OPCML: variants seen among roughly 807,000 people sequenced by gnomAD.
OPCML encodes the protein opioid binding protein/cell adhesion molecule like.
Under a neutral mutation model 37.8 loss-of-function variants are expected in OPCML, and 13 were observed. The ratio of observed to expected loss-of-function variants is 0.34; its 90% CI spans 0.22 to 0.55. The LOEUF (loss-of-function observed/expected upper bound fraction) is 0.55. Ranked by LOEUF, OPCML falls within the 20% of genes least tolerant of loss-of-function variation. The pLI is 0.91. For synonymous variants in OPCML, 176 were observed against 168.8 expected (o/e 1.04, Z -0.33); for missense variants, 341 against 435.6 (o/e 0.78, Z 1.93).
At chr11:133,008,998 T>A (rs756541591) in intron 1 of OPCML, 5 of 985,448 alleles carry the variant, frequency 5.1e-6, no homozygotes, top group Non-Finnish European at 6.0e-6. Context: ...CTGACATGGA[T>A]TAATCTCTAT....
chr11:132,856,621 G>A (rs1323536137), intron 2 of OPCML, among the ~76,000 whole-genome samples: 1 of 152,180 alleles, frequency 6.6e-6, no homozygotes, highest in African/African-American at 2.4e-5. Context: ...TGCACACTAT[G>A]AGGCAAAATG....
At chr11:133,284,456 A>G (rs1942243592) in intron 1 of OPCML, among the ~76,000 whole-genome samples, 1 of 152,240 alleles carries the variant, frequency 6.6e-6, no homozygotes, top group South Asian at 2.1e-4. Flanking sequence ...ATACAAAACA[A>G]TCAACAACAA....
chr11:133,195,767 G>A (rs1938511742), intron 1 of OPCML, among the ~76,000 whole-genome samples: 1 of 152,166 alleles, frequency 6.6e-6, no homozygotes, highest in African/African-American at 2.4e-5. Flanking sequence ...TAAGGACTAG[G>A]GACACATTTG....
At chr11:132,713,499 T>A (rs537188607) in intron 2 of OPCML, among the ~76,000 whole-genome samples, 5 of 152,192 alleles carry the variant, frequency 3.3e-5, no homozygotes, top group Non-Finnish European at 5.9e-5. Flanking sequence ...CATTTCCTAT[T>A]TTACAATGAT....
intron 1 of OPCML, among the ~76,000 whole-genome samples, chr11:133,075,455 A>C (rs1037057527): frequency 5.3e-5 from 8 of 152,172 alleles, no homozygotes; most frequent in Non-Finnish European, 1.0e-4. Flanking sequence ...CCACTTCCCA[A>C]GGGCTCTGGG....
rs537786520 is a variant in OPCML at position 133,064,292 on chromosome 11, G to A, written c.62-121282C>T. Among the ~76,000 whole-genome samples the A allele has an allele frequency of 3.3e-5, 5 of 152,312 alleles. No homozygotes were observed. The East Asian group carries it at 9.7e-4, about 29-fold the overall frequency. ...CGGCACAGCTTCTGTTCTCACTTGT[G>A]GAGCTTTGTCTCCCCTCGCTGGGCA... On this transcript the variant is annotated intron_variant, in intron 1 of 7. Transcript: ENST00000524381.
chr11:132,698,152 C>A (rs949024361), intron 2 of OPCML, among the ~76,000 whole-genome samples: 14 of 151,854 alleles, frequency 9.2e-5, no homozygotes, highest in African/African-American at 3.4e-4. Flanking sequence ...TTTGAGGGGG[C>A]ATATACCCAG....
chr11:133,058,279 G>A (rs995249059), intron 1 of OPCML, among the ~76,000 whole-genome samples: 9 of 152,178 alleles, frequency 5.9e-5, no homozygotes, highest in Non-Finnish European at 8.8e-5. Context: ...GACACATGAC[G>A]TGGAATTTAA....
At chr11:132,703,006 G>A (rs1213235054) in intron 2 of OPCML, among the ~76,000 whole-genome samples, 1 of 151,964 alleles carries the variant, frequency 6.6e-6, no homozygotes, top group Non-Finnish European at 1.5e-5. Flanking sequence ...AGATAACTGA[G>A]CTCTTTAAAG....
chr11:133,532,193 C>T lies in OPCML; in HGVS notation c.61+71G>A, dbSNP rs1456479666. 4 of 1,571,676 alleles carry T rather than the reference C, an allele frequency of 2.5e-6. No homozygotes were observed. In the East Asian group the frequency reaches 7.2e-5, roughly 28 times the overall value. ...CCTTCCTCCTTGCCTCTCCATCTCC[C>T]CACTGCCTCTCCTGCTCTCACGTCG... On this transcript the variant is annotated intron_variant, in intron 1 of 7. Coordinates refer to ENST00000524381, the MANE Select transcript of OPCML (RefSeq NM_001012393.5).
At chr11:133,378,273 G>T (rs1480256063) in intron 1 of OPCML, among the ~76,000 whole-genome samples, 1 of 152,144 alleles carries the variant, frequency 6.6e-6, no homozygotes, top group African/African-American at 2.4e-5. Flanking sequence ...TTGCCTAAAT[G>T]AGAACAAATA....
chr11:132,543,415 A>C (rs766493829), intron 3 of OPCML, among the ~76,000 whole-genome samples: 3 of 152,106 alleles, frequency 2.0e-5, no homozygotes, highest in Non-Finnish European at 4.4e-5. Context: ...CGGGAGACTG[A>C]GGCAGGAGAA....
chr11:133,096,580 C>CA (rs1348821367), intron 1 of OPCML, among the ~76,000 whole-genome samples: 5 of 151,972 alleles, frequency 3.3e-5, no homozygotes, highest in Non-Finnish European at 5.9e-5. Flanking sequence ...TCGATTAAAA[C>CA]AGAGATTTTC....
At chr11:133,432,705 T>C (rs1260024374) in intron 1 of OPCML, among the ~76,000 whole-genome samples, 2 of 152,330 alleles carry the variant, frequency 1.3e-5, no homozygotes, top group African/African-American at 2.4e-5. Context: ...TCTTTGACAT[T>C]TTCCATTTTT....
chr11:132,674,128 G>A (rs1942597453), intron 2 of OPCML, among the ~76,000 whole-genome samples: 1 of 152,292 alleles, frequency 6.6e-6, no homozygotes, highest in African/African-American at 2.4e-5. Flanking sequence ...TTTCCTTGAA[G>A]GTGGCTAATT....
intron 2 of OPCML, among the ~76,000 whole-genome samples, chr11:132,932,026 G>A (rs146017220): frequency 0.013 from 1,960 of 152,260 alleles, 19 homozygotes; most frequent in Middle Eastern, 0.027. Flanking sequence ...GTTACAAAAG[G>A]ATGAATGCTA....
rs185397385 is a variant in OPCML, at chr11:132,699,514, C to T, written c.147-42195G>A. On this transcript the variant is annotated intron_variant, in intron 2 of 7. Coordinates refer to ENST00000524381, the MANE Select transcript of OPCML (RefSeq NM_001012393.5). ...ATATATGGACTTTATAATATTGAGG[C>T]ACATTCGTTCTATAAATAACTTGCT... 2.5e-4 allele frequency among the ~76,000 whole-genome samples: 38 copies of T among 152,064 alleles called. 1 individual carries two copies. The highest frequency in any genetic ancestry group is 8.7e-4 in the African/African-American group (36 of 41,532).
intron 4 of OPCML, among the ~76,000 whole-genome samples, chr11:132,497,416 CAAA>C (rs529329176): frequency 1.1e-5 from 1 of 88,732 alleles, no homozygotes; most frequent in Non-Finnish European, 2.5e-5. Context: ...AAAAGCTGAA[CAAA>C]AAAAAAAAAA....
At chr11:132,919,388 C>A (rs7112135) in intron 2 of OPCML, among the ~76,000 whole-genome samples, 8 of 152,064 alleles carry the variant, frequency 5.3e-5, no homozygotes, top group Middle Eastern at 3.4e-3. Flanking sequence ...GGTTGAGGCC[C>A]GGCAGGGTCC....
Sources: allele counts gnomAD v4.1 joint callset (sites outside exome capture counted in the v4.1 genomes callset), GRCh38; gene constraint gnomAD v4.1.1; transcripts MANE v1.5; gene names NCBI Gene and HGNC (gene_info 2026-07-23, HGNC 2026-07-21).